The following C10orf90 variants were observed in gnomAD, a reference collection of about 807,000 sequenced individuals.
C10orf90 encodes (E2-independent) E3 ubiquitin-conjugating enzyme FATS.
Under a neutral mutation model 62.5 loss-of-function variants are expected in C10orf90, and 56 were observed. That is an observed-to-expected ratio of 0.90 (90% CI 0.72 to 1.12). The LOEUF is 1.12. Among genes scored for constraint, C10orf90 ranks in the 50% most tolerant of loss-of-function variants. C10orf90 has a pLI of 0.00. For missense variants in C10orf90, 970 were observed against 880.4 expected (o/e 1.10, Z -1.29); for synonymous variants, 386 against 340.4 (o/e 1.13, Z -1.47).
chr10:126,657,363 G>A (rs994591489), intron 1 of C10orf90, among the ~76,000 whole-genome samples: 2 of 152,040 alleles, frequency 1.3e-5, no homozygotes, highest in African/African-American at 4.8e-5. Flanking sequence ...TTCTGTTTCT[G>A]TGAATTTGAC....
chr10:126,532,720 C>T (rs1864127959), intron 2 of C10orf90, among the ~76,000 whole-genome samples: 1 of 149,462 alleles, frequency 6.7e-6, no homozygotes, highest in Non-Finnish European at 1.5e-5. Flanking sequence ...GCCTGTAGTC[C>T]CAGCTACTCC....
intron 7 of C10orf90, among the ~76,000 whole-genome samples, chr10:126,434,780 C>T (rs569392924): frequency 8.5e-5 from 13 of 152,244 alleles, no homozygotes; most frequent in Middle Eastern, 3.4e-3. Flanking sequence ...AGGTCTCTGC[C>T]GCCGGCCGTT....
rs143399066 is a variant in C10orf90, at chr10:126,497,020, GT to G, written c.1534+6936del. ...GCTACCTGCATAGCAAGGAGACCAGGTCTGAGTTATGTGTCACCATCGCAGA... is the reference window on the plus strand; with the variant it reads ...GCTACCTGCATAGCAAGGAGACCAGGCTGAGTTATGTGTCACCATCGCAGA... On this transcript the variant is annotated intron_variant, in intron 4 of 9. Transcript: ENST00000488181. Among the ~76,000 whole-genome samples the G allele has an allele frequency of 1.1e-3, 164 of 152,338 alleles. 1 individual carries two copies. Among genetic ancestry groups the G allele is most frequent in the African/African-American group, 3.8e-3 (157 of 41,576 alleles).
intron 2 of C10orf90, among the ~76,000 whole-genome samples, chr10:126,541,877 G>T (rs1864384150): frequency 6.6e-6 from 1 of 152,170 alleles, no homozygotes; most frequent in Non-Finnish European, 1.5e-5. Context: ...TTCACAAAGT[G>T]TTCACATCAG....
At chr10:126,658,577 C>T (rs1041758957) in intron 1 of C10orf90, among the ~76,000 whole-genome samples, 2 of 152,184 alleles carry the variant, frequency 1.3e-5, no homozygotes, top group Non-Finnish European at 2.9e-5. Flanking sequence ...ACTGTCATTG[C>T]ACAATGTAAA....
At chr10:126,586,432 C>A (rs1044615916) in intron 2 of C10orf90, among the ~76,000 whole-genome samples, 2 of 152,202 alleles carry the variant, frequency 1.3e-5, no homozygotes, top group Non-Finnish European at 2.9e-5. Context: ...AAAGGAAAAT[C>A]GGCACGCGTT....
chr10:126,603,086 A>G (rs967778534), intron 2 of C10orf90, among the ~76,000 whole-genome samples: 3 of 152,084 alleles, frequency 2.0e-5, no homozygotes, highest in African/African-American at 7.2e-5. Context: ...CATTAGTCAC[A>G]TTTGGACATC....
chr10:126,665,550 C>G (rs1404142205), intron 1 of C10orf90, among the ~76,000 whole-genome samples: 1 of 152,178 alleles, frequency 6.6e-6, no homozygotes, highest in African/African-American at 2.4e-5. Context: ...ATTGAAACCA[C>G]TCTGGGAGAC....
chr10:126,487,206 A>G (rs900060712), intron 4 of C10orf90, among the ~76,000 whole-genome samples: 1 of 151,372 alleles, frequency 6.6e-6, no homozygotes, highest in African/African-American at 2.4e-5. Context: ...TATAAAACAC[A>G]CCTAATCAGA....
intron 4 of C10orf90, among the ~76,000 whole-genome samples, chr10:126,496,901 A>C (rs895028140): frequency 1.3e-5 from 2 of 152,216 alleles, no homozygotes; most frequent in African/African-American, 4.8e-5. Flanking sequence ...GGTCAATGCC[A>C]ATGACTCAGT....
At chr10:126,554,461 G>A (rs7085000) in intron 2 of C10orf90, among the ~76,000 whole-genome samples, 116,816 of 152,060 alleles carry the variant, frequency 0.77, 45,052 homozygotes, top group African/African-American at 0.83. Context: ...TTTGGGTGGT[G>A]ATTATAGAAG....
At chr10:126,469,395 C>T (rs1482506759) in intron 4 of C10orf90, among the ~76,000 whole-genome samples, 1 of 152,180 alleles carries the variant, frequency 6.6e-6, no homozygotes, top group Non-Finnish European at 1.5e-5. Context: ...CTTCAACCAA[C>T]CACTCAACCA....
intron 2 of C10orf90, among the ~76,000 whole-genome samples, chr10:126,547,414 C>T (rs374363275): frequency 1.5e-4 from 19 of 125,258 alleles, no homozygotes; most frequent in African/African-American, 5.8e-4. Context: ...GCAAGACTGT[C>T]AAAAAAAAAA....
chr10:126,513,965 A>G (rs780331879), intron 2 of C10orf90, 26 bp from the exon 3 acceptor site: 8 of 1,477,292 alleles, frequency 5.4e-6, no homozygotes, highest in African/African-American at 2.8e-5. Flanking sequence ...TAATATTGCT[A>G]CTTTTTAGTA....
At chr10:126,528,034 A>T (rs897074760) in intron 2 of C10orf90, among the ~76,000 whole-genome samples, 4 of 152,196 alleles carry the variant, frequency 2.6e-5, no homozygotes, top group African/African-American at 4.8e-5. Context: ...AGAAACCAGG[A>T]AGACAAGATA....
chr10:126,457,567 G>A lies in C10orf90; in HGVS notation c.2188+1473C>T, dbSNP rs551263394. 2.6e-5 allele frequency among the ~76,000 whole-genome samples: 4 copies of A among 152,340 alleles called. No homozygotes were observed. In the East Asian group the frequency reaches 7.7e-4, roughly 29 times the overall value. On this transcript the variant is annotated intron_variant, in intron 7 of 9. Coordinates refer to ENST00000488181, the MANE Select transcript of C10orf90 (RefSeq NM_001350921.2). ...AAGGAAGCCCTCCGTGCCATTTTGT[G>A]TGTGTATGTGAGTCTTGAGCTCTAA... is the stretch of plus-strand genomic sequence containing the variant.
chr10:126,451,176 G>C (rs1859159323), intron 7 of C10orf90, among the ~76,000 whole-genome samples: 1 of 152,074 alleles, frequency 6.6e-6, no homozygotes, highest in Non-Finnish European at 1.5e-5. Context: ...TATTATCAAA[G>C]ACAAACTATA....
chr10:126,607,420 T>C (rs975272401), intron 2 of C10orf90, among the ~76,000 whole-genome samples: 3 of 152,192 alleles, frequency 2.0e-5, no homozygotes, highest in African/African-American at 7.2e-5. Flanking sequence ...TAACAAACTA[T>C]GGTTTCTCAG....
At chr10:126,507,086 G>A (rs748959530) in intron 3 of C10orf90, among the ~76,000 whole-genome samples, 3 of 152,114 alleles carry the variant, frequency 2.0e-5, no homozygotes, top group Non-Finnish European at 4.4e-5. Flanking sequence ...GGCTGGGTGC[G>A]GTGGCTCACG....
Sources: gnomAD v4.1 joint callset for allele counts (sites outside exome capture counted in the v4.1 genomes callset) on GRCh38, gnomAD v4.1.1 for gene constraint, MANE v1.5 for transcripts, NCBI Gene and HGNC (gene_info 2026-07-23, HGNC 2026-07-21) for gene names.